The following LAMA3 variants were observed in gnomAD, a reference collection of about 807,000 sequenced individuals.
LAMA3 encodes laminin subunit alpha-3.
LAMA3 carries 281 observed loss-of-function variants against 402.0 expected under a neutral mutation model. That is an observed-to-expected ratio of 0.70 (90% CI 0.63 to 0.77). The LOEUF is 0.77. Among genes scored for constraint, LAMA3 ranks in the 30% least tolerant of loss-of-function variants. LAMA3 has a pLI of 0.00. For synonymous variants in LAMA3, 1,431 were observed against 1,558.4 expected, an observed-to-expected ratio of 0.92 and a Z score of 1.93; for missense variants, 3,840 against 4,215.5, an observed-to-expected ratio of 0.91 and a Z score of 2.47.
At chr18:23,912,933 G>C (rs45601736) in intron 56 of LAMA3, 52 bp downstream of exon 56, 37 of 1,547,414 alleles carry the variant, frequency 2.4e-5, no homozygotes, top group Non-Finnish European at 3.0e-5. Context: ...TTTTTCGAGA[G>C]GTGTGCTTTT....
chr18:23,833,635 C>T (rs1302533088), intron 23 of LAMA3, among the ~76,000 whole-genome samples, 193 bp from the exon 24 acceptor site: 1 of 152,202 alleles, frequency 6.6e-6, no homozygotes, highest in African/African-American at 2.4e-5. Context: ...TTATTTATTT[C>T]CATTTAAAAT....
intron 51 of LAMA3, among the ~76,000 whole-genome samples, 159 bp from the exon 52 acceptor site, chr18:23,905,363 C>G (rs2081207653): frequency 6.6e-6 from 1 of 152,152 alleles, no homozygotes; most frequent in South Asian, 2.1e-4. Flanking sequence ...GTTAGGGCTA[C>G]CTGGAGCCCT....
At chr18:23,905,955 A>G (rs2081235401) in intron 52 of LAMA3, among the ~76,000 whole-genome samples, 1 of 151,892 alleles carries the variant, frequency 6.6e-6, no homozygotes, top group Non-Finnish European at 1.5e-5. Flanking sequence ...TTTAGAGGCA[A>G]GGTCTTGCTA....
chr18:23,707,250 A>G (rs559022426), intron 1 of LAMA3, among the ~76,000 whole-genome samples: 33 of 152,340 alleles, frequency 2.2e-4, no homozygotes, highest in South Asian at 1.5e-3. Context: ...CTAACATACA[A>G]GGTAGCTTGG....
rs563440658 is a variant in LAMA3, at chr18:23,909,258, G to C, written c.7121G>C (p.Arg2374Pro). Residue 2374 changes from arginine to proline, a missense_variant, in exon 55 of 75, where the codon CGA becomes CCA. Arg to Pro is a moderately radical substitution (Grantham distance 103, BLOSUM62 -2). Transcript: ENST00000313654. ...ATCTCTGACAACATGGACAGAATAC[G>C]AGAACTAATTCAGCAGGCCAGAGAT... ...GNISDNMDRIRELIQQARDAA... is the reference protein window; with the variant it reads ...GNISDNMDRIPELIQQARDAA... 1 of 1,613,410 alleles carries C rather than the reference G, an allele frequency of 6.2e-7. No homozygotes were observed. The highest frequency in any genetic ancestry group is 2.2e-5 in the East Asian group (1 of 44,886).
intron 2 of LAMA3, among the ~76,000 whole-genome samples, chr18:23,723,147 C>A (rs865878966): frequency 6.6e-6 from 1 of 152,084 alleles, no homozygotes; most frequent in East Asian, 1.9e-4. Context: ...CACATTCACA[C>A]GAAAGTTCTG....
intron 59 of LAMA3, 109 bp from the exon 60 acceptor site, chr18:23,916,442 G>C: frequency 8.1e-7 from 1 of 1,239,544 alleles, no homozygotes; most frequent in South Asian, 1.2e-5. Flanking sequence ...CAACTAGATT[G>C]CATTTTCTTG....
intron 59 of LAMA3, 152 bp downstream of exon 59, chr18:23,915,574 C>A: frequency 2.8e-6 from 2 of 712,722 alleles, no homozygotes; most frequent in Non-Finnish European, 5.0e-6. Context: ...GCATGCAACA[C>A]TGGCAGTCCT....
intron 32 of LAMA3, among the ~76,000 whole-genome samples, chr18:23,852,249 A>G (rs1266837992): frequency 6.6e-6 from 1 of 152,196 alleles, no homozygotes; most frequent in African/African-American, 2.4e-5. Flanking sequence ...TAAATTGACA[A>G]TTATACTGGG....
chr18:23,832,281 C>T (rs191605159), intron 23 of LAMA3, among the ~76,000 whole-genome samples: 46 of 152,228 alleles, frequency 3.0e-4, no homozygotes, highest in Middle Eastern at 3.4e-3. Context: ...CCTCGCCACA[C>T]GGAGCAGTGG....
intron 49 of LAMA3, 25 bp from the exon 50 acceptor site, chr18:23,903,906 CTG>C: frequency 6.3e-7 from 1 of 1,575,580 alleles, no homozygotes; most frequent in Non-Finnish European, 8.7e-7. Flanking sequence ...TGAATTTATA[CTG>C]TCTTTGTTTA....
intron 43 of LAMA3, 35 bp from the exon 44 acceptor site, chr18:23,894,872 C>T (rs200674615): frequency 3.1e-6 from 5 of 1,613,898 alleles, no homozygotes; most frequent in African/African-American, 1.3e-5. Context: ...CGGCTCCCCC[C>T]ACAGCACATT....
chr18:23,909,029 A>G, intron 54 of LAMA3, 124 bp from the exon 55 acceptor site: 1 of 873,638 alleles, frequency 1.1e-6, no homozygotes. Context: ...ACTAATTATG[A>G]CCCATCCTGT....
At chr18:23,795,013 T>C (rs2062735606) in intron 12 of LAMA3, among the ~76,000 whole-genome samples, 1 of 152,172 alleles carries the variant, frequency 6.6e-6, no homozygotes, top group African/African-American at 2.4e-5. Flanking sequence ...TGTGGCCATG[T>C]ATCTGGAGCA....
At chr18:23,946,026 A>G in intron 69 of LAMA3, 118 bp from the exon 70 acceptor site, 3 of 947,168 alleles carry the variant, frequency 3.2e-6, no homozygotes, top group Non-Finnish European at 5.1e-6. Context: ...TCATCTTTTG[A>G]AGCTATTTGA....
intron 54 of LAMA3, among the ~76,000 whole-genome samples, chr18:23,908,391 G>A (rs565437311): frequency 2.0e-5 from 3 of 151,970 alleles, no homozygotes; most frequent in South Asian, 4.2e-4. Flanking sequence ...TTAGCCAGGC[G>A]TGGTGATGGG....
At position 23,899,038 on chromosome 18, in the gene LAMA3, A is replaced by T. The variant is rs755508390; in HGVS notation, c.5809A>T (p.Ile1937Phe). The T allele has an allele frequency of 1.2e-6, 2 of 1,613,680 alleles. No individual in the cohort carries two copies. The highest frequency in any genetic ancestry group is 2.7e-5 in the African/African-American group (2 of 74,930). ...TQSAKELDVK[I>F]KNVIRNVHIL... ...AAGCGCAAAAGAACTGGATGTGAAG[A>T]TTAAAAATGTCATCCGGAATGTGCA... Residue 1937 changes from isoleucine (I) to phenylalanine (F), a missense_variant, in exon 46 of 75, where the codon ATT becomes TTT. Ile to Phe is a conservative substitution (Grantham distance 21). Transcript: ENST00000313654.
At chr18:23,846,562 G>T in intron 31 of LAMA3, 54 bp downstream of exon 31, 1 of 1,502,586 alleles carries the variant, frequency 6.7e-7, no homozygotes, top group Non-Finnish European at 9.0e-7. Context: ...TGTGGATGAT[G>T]CTTACCAGGA....
intron 11 of LAMA3, among the ~76,000 whole-genome samples, chr18:23,783,200 A>G (rs2062471513): frequency 6.6e-6 from 1 of 152,176 alleles, no homozygotes; most frequent in Non-Finnish European, 1.5e-5. Flanking sequence ...CAAGAATGGA[A>G]ACGGCAAGGC....
Sources: gnomAD v4.1 joint callset for allele counts (sites outside exome capture counted in the v4.1 genomes callset) on GRCh38, gnomAD v4.1.1 for gene constraint, MANE v1.5 for transcripts, NCBI Gene and HGNC (gene_info 2026-07-23, HGNC 2026-07-21) for gene names.